CALD1: variants seen among roughly 807,000 people sequenced by gnomAD.
CALD1 encodes caldesmon 1, also known as caldesmon.
Under a neutral mutation model 99.9 loss-of-function variants are expected in CALD1, and 33 were observed. The ratio of observed to expected loss-of-function variants is 0.33; its 90% CI spans 0.25 to 0.44. The LOEUF (loss-of-function observed/expected upper bound fraction) is 0.44. Ranked by LOEUF, CALD1 falls within the 20% of genes least tolerant of loss-of-function variation. The pLI is 1.00. For missense variants in CALD1, 861 were observed against 962.1 expected, an observed-to-expected ratio of 0.89 and a Z score of 1.39; for synonymous variants, 310 against 325.0, an observed-to-expected ratio of 0.95 and a Z score of 0.50.
intron 3 of CALD1, among the ~76,000 whole-genome samples, chr7:134,908,525 T>C (rs1223513741): frequency 1.3e-5 from 2 of 152,174 alleles, no homozygotes; most frequent in Non-Finnish European, 2.9e-5. Flanking sequence ...AGTCACTCAT[T>C]ATACGTCAGT....
the CALD1 span, among the ~76,000 whole-genome samples, chr7:134,736,783 T>C: frequency 6.6e-6 from 1 of 152,304 alleles, no homozygotes; most frequent in African/African-American, 2.4e-5. Flanking sequence ...TTCATCCAAT[T>C]AGAAATTTCT....
chr7:134,923,688 C>G (rs1045805008), intron 3 of CALD1, among the ~76,000 whole-genome samples: 2 of 152,230 alleles, frequency 1.3e-5, no homozygotes, highest in Non-Finnish European at 2.9e-5. Flanking sequence ...AAGCATGAAG[C>G]AGACCCTGTG....
intron 1 of CALD1, among the ~76,000 whole-genome samples, chr7:134,803,047 AT>A (rs1798005522): frequency 6.6e-6 from 1 of 152,182 alleles, no homozygotes; most frequent in African/African-American, 2.4e-5. Context: ...CTTTAACAAC[AT>A]TTGGAGTAGT....
chr7:134,773,001 C>T (rs6958934), intron 1 of CALD1, among the ~76,000 whole-genome samples: 85,888 of 152,156 alleles, frequency 0.56, 25,158 homozygotes, highest in East Asian at 0.88. Flanking sequence ...ATTCCCCCTT[C>T]AGGTGAAGCA....
chr7:134,754,050 G>A (rs1043625444), intron 1 of CALD1, among the ~76,000 whole-genome samples: 15 of 152,164 alleles, frequency 9.9e-5, no homozygotes, highest in Admixed American at 7.2e-4. Flanking sequence ...TGTTTAACAC[G>A]TAACTTCTGT....
Position 134,835,292 on chromosome 7 carries a change from G to A in CALD1, c.-129-8592G>A, listed in dbSNP as rs550947551. On this transcript the variant is annotated intron_variant, in intron 1 of 14. Transcript: ENST00000361675. The stretch of plus-strand genomic sequence containing the variant: ...CTGTCAGTGTTTCATGCTTGGCACC[G>A]ACTGAGCTCAAGGCTCTGGATTAGG... Among the ~76,000 whole-genome samples the A allele has an allele frequency of 9.2e-4, 140 of 152,308 alleles. 1 individual carries two copies. The highest frequency in any genetic ancestry group is 3.1e-3 in the African/African-American group (129 of 41,568).
intron 3 of CALD1, among the ~76,000 whole-genome samples, chr7:134,925,406 C>T (rs1037510505): frequency 5.9e-5 from 9 of 151,994 alleles, no homozygotes; most frequent in South Asian, 2.1e-4. Flanking sequence ...ATTAAGGGGA[C>T]GGAGGAGTTT....
chr7:134,756,607 A>G (rs1796732623), intron 1 of CALD1, among the ~76,000 whole-genome samples: 1 of 152,124 alleles, frequency 6.6e-6, no homozygotes, highest in Non-Finnish European at 1.5e-5. Flanking sequence ...GCTCAGTCTA[A>G]ATAACCCTTT....
chr7:134,780,787 T>C (rs574225161), intron 1 of CALD1, among the ~76,000 whole-genome samples: 2 of 152,338 alleles, frequency 1.3e-5, no homozygotes, highest in African/African-American at 4.8e-5. Context: ...CAGATGGACT[T>C]GTAAACTGAA....
chr7:134,937,436 A>C (rs1806068137), intron 6 of CALD1, among the ~76,000 whole-genome samples: 1 of 152,124 alleles, frequency 6.6e-6, no homozygotes, highest in African/African-American at 2.4e-5. Flanking sequence ...TAAGCTACTC[A>C]AACTGGTTTT....
chr7:134,963,083 G>A (rs1385251749), intron 13 of CALD1: 1 of 349,222 alleles, frequency 2.9e-6, no homozygotes, highest in Non-Finnish European at 5.7e-6. Context: ...ATTTTCTTAG[G>A]TAGAAGAACG....
At chr7:134,842,036 A>G (rs1799672309) in intron 1 of CALD1, among the ~76,000 whole-genome samples, 1 of 152,062 alleles carries the variant, frequency 6.6e-6, no homozygotes, top group African/African-American at 2.4e-5. Flanking sequence ...ACCTCTTTAC[A>G]TCCTGCTGTT....
At chr7:134,810,585 C>T (rs1213491849) in intron 1 of CALD1, among the ~76,000 whole-genome samples, 3 of 152,088 alleles carry the variant, frequency 2.0e-5, no homozygotes, top group Non-Finnish European at 4.4e-5. Context: ...AGGATCAAAC[C>T]ATTGACTTTA....
intron 1 of CALD1, among the ~76,000 whole-genome samples, chr7:134,834,508 C>T (rs1799353707): frequency 6.6e-6 from 1 of 152,236 alleles, no homozygotes; most frequent in African/African-American, 2.4e-5. Flanking sequence ...GACCCAGCTC[C>T]TCCCATCACT....
intron 1 of CALD1, among the ~76,000 whole-genome samples, chr7:134,788,422 G>T (rs937755161): frequency 6.6e-6 from 1 of 152,122 alleles, no homozygotes; most frequent in African/African-American, 2.4e-5. Context: ...CCTCACCCAA[G>T]AACTTGTTGC....
chr7:134,902,303 T>C (rs917122226), intron 3 of CALD1, among the ~76,000 whole-genome samples: 2 of 152,130 alleles, frequency 1.3e-5, no homozygotes, highest in Admixed American at 6.5e-5. Context: ...CCTTGCATCA[T>C]AGACAGAGCC....
At chr7:134,826,560 A>G (rs375141589) in intron 1 of CALD1, among the ~76,000 whole-genome samples, 2 of 152,174 alleles carry the variant, frequency 1.3e-5, no homozygotes, top group Non-Finnish European at 2.9e-5. Context: ...TAGTGTCACC[A>G]TGACTTAAAA....
intron 3 of CALD1, among the ~76,000 whole-genome samples, chr7:134,898,825 C>T (rs1178473613): frequency 6.6e-6 from 1 of 152,074 alleles, no homozygotes; most frequent in Non-Finnish European, 1.5e-5. Flanking sequence ...AAAGTGCCGG[C>T]ATTATAGGCG....
intron 5 of CALD1, among the ~76,000 whole-genome samples, chr7:134,935,238 C>T (rs1315393171): frequency 6.6e-6 from 1 of 152,070 alleles, no homozygotes; most frequent in South Asian, 2.1e-4. Context: ...TGTACCTAAT[C>T]ACCACCACAC....
Sources: gnomAD v4.1 joint callset for allele counts (sites outside exome capture counted in the v4.1 genomes callset) on GRCh38, gnomAD v4.1.1 for gene constraint, MANE v1.5 for transcripts, NCBI Gene and HGNC (gene_info 2026-07-23, HGNC 2026-07-21) for gene names.